CADM1: variants seen among roughly 807,000 people sequenced by gnomAD.
The protein encoded by CADM1 is cell adhesion molecule 1, also known as TSLC-1.
Under a neutral mutation model 53.1 loss-of-function variants are expected in CADM1, and 15 were observed. The ratio of observed to expected loss-of-function variants is 0.28; its 90% CI spans 0.19 to 0.44. CADM1 has a LOEUF of 0.44. Ranked by LOEUF, CADM1 falls within the 20% of genes least tolerant of loss-of-function variation. The pLI is 1.00. For missense variants in CADM1, 434 were observed against 611.3 expected (o/e 0.71, Z 3.06); for synonymous variants, 281 against 243.0 (o/e 1.16, Z -1.45).
rs182954649 is a variant in CADM1, at chr11:115,283,981, G to A, written c.125-43561C>T. Among the ~76,000 whole-genome samples, 187 of 152,212 alleles carry A rather than the reference G, an allele frequency of 1.2e-3. 3 individuals are homozygous for A. In the South Asian group the frequency reaches 0.036, roughly 30 times the overall value. The stretch of plus-strand genomic sequence containing the variant: ...AAGTGAAGAAAAGCTTTAAGGGATC[G>A]GGTCCTAGACTTGCTCCTGAAAAAT... On this transcript the variant is annotated intron_variant, in intron 1 of 11. Transcript: ENST00000331581.
chr11:115,369,056 T>TAAAAAAAAAAAAA (rs1946248407), intron 1 of CADM1, among the ~76,000 whole-genome samples: 4 of 57,590 alleles, frequency 6.9e-5, no homozygotes, highest in Admixed American at 3.4e-4. Flanking sequence ...AAAAAAAAAT[T>TAAAAAAAAAAAAA]AGGTAAGCAA....
chr11:115,328,058 C>T (rs1049444034), intron 1 of CADM1, among the ~76,000 whole-genome samples: 1 of 151,956 alleles, frequency 6.6e-6, no homozygotes, highest in Admixed American at 6.6e-5. Context: ...AGATTCAAAT[C>T]CTTTTTCCAA....
intron 1 of CADM1, among the ~76,000 whole-genome samples, chr11:115,464,116 A>C (rs1319132794): frequency 6.6e-6 from 1 of 152,166 alleles, no homozygotes; most frequent in East Asian, 1.9e-4. Flanking sequence ...CATTGAACCA[A>C]TTAGCAATGT....
chr11:115,176,312 ATTT>A lies in CADM1; in HGVS notation c.*159_*161del, dbSNP rs201580425. On this transcript the variant is annotated 3_prime_UTR_variant, in exon 12 of 12. Transcript: ENST00000331581. Reference sequence around the variant, plus strand: ...CAGCAGAGTGTACTTTCCAAAGAACATTTTTTTTTTTTTTACACAGCAAATCCC... The same window carrying A: ...CAGCAGAGTGTACTTTCCAAAGAACATTTTTTTTTTTACACAGCAAATCCC... 1.3e-4 allele frequency: 170 copies of A among 1,308,108 alleles called. No homozygotes were observed. The highest frequency in any genetic ancestry group is 3.4e-4 in the East Asian group (12 of 35,072). The allele number at this position is 1,308,108 out of a possible 1,614,324, so 81.0% of individuals were successfully genotyped here.
intron 1 of CADM1, among the ~76,000 whole-genome samples, chr11:115,449,762 G>C (rs544083): frequency 0.87 from 131,959 of 151,868 alleles, 57,557 homozygotes; most frequent in East Asian, 0.99. Flanking sequence ...TCTAACAGAG[G>C]AATATTTCAA....
intron 1 of CADM1, among the ~76,000 whole-genome samples, chr11:115,371,508 A>AG (rs1366991937): frequency 6.6e-6 from 1 of 152,210 alleles, no homozygotes; most frequent in African/African-American, 2.4e-5. Context: ...AAAGAAGAAA[A>AG]GGAGAACAAA....
chr11:115,496,532 G>A (rs1949617946), intron 1 of CADM1, among the ~76,000 whole-genome samples: 1 of 152,108 alleles, frequency 6.6e-6, no homozygotes, highest in East Asian at 1.9e-4. Flanking sequence ...AGCAATTGAG[G>A]AAGAACAACC....
rs565745195 is a variant in CADM1, at chr11:115,452,101, G to A, written c.124+52170C>T. ...TTTACTTGTTAACTATCTTGACCAC[G>A]TTAATTTCTTTTTTAAAATTTCTAA... On this transcript the variant is annotated intron_variant, in intron 1 of 11. Transcript: ENST00000331581. Among the ~76,000 whole-genome samples, 3 of 125,896 alleles carry A rather than the reference G, an allele frequency of 2.4e-5. No individual in the cohort carries two copies. The East Asian group carries it at 8.0e-4, about 33-fold the overall frequency. The allele number at this position is 125,896 out of a possible 152,430, so 82.6% of individuals were successfully genotyped here. A position where few individuals can be genotyped will look rare whatever the true frequency, so the allele number is the denominator to read the frequency against.
chr11:115,403,637 T>A (rs910188219), intron 1 of CADM1, among the ~76,000 whole-genome samples: 3 of 152,160 alleles, frequency 2.0e-5, no homozygotes, highest in Non-Finnish European at 2.9e-5. Flanking sequence ...CCCTCTGTCA[T>A]ACAGGCTGGA....
chr11:115,352,814 G>A (rs1393868933), intron 1 of CADM1, among the ~76,000 whole-genome samples: 5 of 152,100 alleles, frequency 3.3e-5, no homozygotes, highest in African/African-American at 9.7e-5. Flanking sequence ...GTAAGACAGA[G>A]GTAAGTTTCA....
intron 1 of CADM1, among the ~76,000 whole-genome samples, chr11:115,317,283 T>C (rs1348148512): frequency 1.3e-5 from 2 of 152,168 alleles, no homozygotes; most frequent in Non-Finnish European, 2.9e-5. Flanking sequence ...AGGGTCAAAC[T>C]GAATACACAA....
At chr11:115,468,669 A>G (rs1420157743) in intron 1 of CADM1, among the ~76,000 whole-genome samples, 1 of 152,176 alleles carries the variant, frequency 6.6e-6, no homozygotes, top group Non-Finnish European at 1.5e-5. Flanking sequence ...GAAATCATAC[A>G]GGCATGCTCC....
At chr11:115,463,091 T>C (rs1270755531) in intron 1 of CADM1, among the ~76,000 whole-genome samples, 3 of 152,168 alleles carry the variant, frequency 2.0e-5, no homozygotes, top group Non-Finnish European at 4.4e-5. Flanking sequence ...TTTAAGAATC[T>C]AGTTTTAACA....
chr11:115,290,063 G>A (rs555017766), intron 1 of CADM1, among the ~76,000 whole-genome samples: 9 of 152,300 alleles, frequency 5.9e-5, no homozygotes, highest in Non-Finnish European at 1.2e-4. Context: ...CCACAGCGTC[G>A]TGCTCAGATC....
intron 1 of CADM1, among the ~76,000 whole-genome samples, chr11:115,503,399 C>T (rs1398308008): frequency 1.3e-5 from 2 of 152,282 alleles, no homozygotes; most frequent in East Asian, 1.9e-4. Flanking sequence ...CCGCAGGGTG[C>T]CCGCCTGGCC....
intron 1 of CADM1, among the ~76,000 whole-genome samples, chr11:115,438,616 A>G (rs1313897835): frequency 2.0e-5 from 3 of 152,178 alleles, no homozygotes; most frequent in Non-Finnish European, 4.4e-5. Context: ...CCACTCACAA[A>G]TGACACAGCT....
At chr11:115,218,208 T>A in intron 5 of CADM1, 1 of 548,808 alleles carries the variant, frequency 1.8e-6, no homozygotes, top group South Asian at 1.9e-5. Flanking sequence ...AAGAGATTCA[T>A]AAGCCAACTG....
At position 115,278,774 on chromosome 11, in the gene CADM1, T is replaced by G. The variant is rs1404720562; in HGVS notation, c.125-38354A>C. 2.0e-5 allele frequency among the ~76,000 whole-genome samples: 3 copies of G among 152,136 alleles called. No individual in the cohort carries two copies. The East Asian group carries it at 5.8e-4, about 29-fold the overall frequency. ...ATTGCCAGGCAAGTCAATGCTGGCCTGAACCAGGGAGGGAGGAGCAGCAGT... is the reference window on the plus strand; with the variant it reads ...ATTGCCAGGCAAGTCAATGCTGGCCGGAACCAGGGAGGGAGGAGCAGCAGT... On this transcript the variant is annotated intron_variant, in intron 1 of 11. Coordinates refer to ENST00000331581, the MANE Select transcript of CADM1 (RefSeq NM_001301043.2).
rs952769109 is a variant in CADM1, at chr11:115,365,576, G to A, written c.125-125156C>T. On this transcript the variant is annotated intron_variant, in intron 1 of 11. Coordinates refer to ENST00000331581, the MANE Select transcript of CADM1 (RefSeq NM_001301043.2). Reference sequence around the variant, plus strand: ...AAAAAAACAAAAATATATATATACAGATTTAATATTAACATGAAAAGTAGA... The same window carrying A: ...AAAAAAACAAAAATATATATATACAAATTTAATATTAACATGAAAAGTAGA... Among the ~76,000 whole-genome samples the A allele has an allele frequency of 1.1e-4, 17 of 151,918 alleles. No individual in the cohort carries two copies. In the South Asian group the frequency reaches 2.9e-3, roughly 26 times the overall value.
Sources: gnomAD v4.1 joint callset for allele counts (sites outside exome capture counted in the v4.1 genomes callset) on GRCh38, gnomAD v4.1.1 for gene constraint, MANE v1.5 for transcripts, NCBI Gene and HGNC (gene_info 2026-07-23, HGNC 2026-07-21) for gene names.